NRXN3: variants seen among roughly 807,000 people sequenced by gnomAD.
NRXN3 encodes the protein neurexin III.
NRXN3 carries 32 observed loss-of-function variants against 137.6 expected under a neutral mutation model. The ratio of observed to expected loss-of-function variants is 0.23; its 90% CI spans 0.18 to 0.31. NRXN3 has a LOEUF of 0.31. Ranked by LOEUF, NRXN3 falls within the 10% of genes least tolerant of loss-of-function variation. The pLI, the probability that NRXN3 is intolerant of heterozygous loss-of-function variation, is 1.00. For synonymous variants in NRXN3, 798 were observed against 784.5 expected, an observed-to-expected ratio of 1.02 and a Z score of -0.29; for missense variants, 1,574 against 2,062.5, an observed-to-expected ratio of 0.76 and a Z score of 4.59.
At chr14:78,352,644 G>A (rs1227628339) in intron 4 of NRXN3, among the ~76,000 whole-genome samples, 1 of 152,122 alleles carries the variant, frequency 6.6e-6, no homozygotes, top group African/African-American at 2.4e-5. Flanking sequence ...CAACTCCTTG[G>A]ATTTTCTGCC....
intron 2 of NRXN3, among the ~76,000 whole-genome samples, chr14:78,245,863 C>G (rs919444207): frequency 1.3e-5 from 2 of 152,140 alleles, no homozygotes; most frequent in African/African-American, 4.8e-5. Flanking sequence ...TCCACTGAAC[C>G]CACTGGGAGA....
intron 14 of NRXN3, among the ~76,000 whole-genome samples, chr14:78,980,902 G>A (rs929687255): frequency 1.3e-5 from 2 of 152,122 alleles, no homozygotes; most frequent in African/African-American, 4.8e-5. Flanking sequence ...ATTTTCGTGA[G>A]AGTTATTCAC....
At chr14:79,275,262 G>T (rs1480051980) in intron 15 of NRXN3, among the ~76,000 whole-genome samples, 1 of 151,672 alleles carries the variant, frequency 6.6e-6, no homozygotes, top group Non-Finnish European at 1.5e-5. Flanking sequence ...TCCCTAAATT[G>T]CCTTCTGGAG....
rs1468979616 is a variant in NRXN3 at position 79,843,935 on chromosome 14, T to A, written c.4094-17407T>A. On this transcript the variant is annotated intron_variant, in intron 20 of 20. Transcript: ENST00000335750. ...ACCTTCAAGTCCCCAAAGACCATTA[T>A]ATCATTCTTGTACCTTTGTGTCCTC... Among the ~76,000 whole-genome samples, 7 of 152,130 alleles carry A rather than the reference T, an allele frequency of 4.6e-5. No homozygotes were observed. The South Asian group carries it at 6.2e-4, about 14-fold the overall frequency.
intron 15 of NRXN3, among the ~76,000 whole-genome samples, chr14:79,318,251 A>G (rs1316309939): frequency 6.6e-6 from 1 of 152,248 alleles, no homozygotes; most frequent in Non-Finnish European, 1.5e-5. Context: ...CTCAAAAGGA[A>G]AGTATCTTCT....
chr14:79,316,705 T>C (rs182612620), intron 15 of NRXN3, among the ~76,000 whole-genome samples: 92 of 150,482 alleles, frequency 6.1e-4, no homozygotes, highest in Admixed American at 1.9e-3. Context: ...CACTGGACTT[T>C]ATCATCATGT....
intron 15 of NRXN3, among the ~76,000 whole-genome samples, chr14:79,361,967 A>G (rs936271814): frequency 3.3e-5 from 5 of 149,780 alleles, no homozygotes; most frequent in African/African-American, 1.2e-4. Flanking sequence ...CCAGCAGTGT[A>G]TCTTTTACGC....
intron 15 of NRXN3, among the ~76,000 whole-genome samples, chr14:79,127,172 T>G (rs2056659434): frequency 6.6e-6 from 1 of 152,304 alleles, no homozygotes; most frequent in African/African-American, 2.4e-5. Flanking sequence ...AGAAGCTCTT[T>G]AGTTTAATTA....
chr14:78,403,787 C>A (rs771413584), intron 4 of NRXN3: 345 of 985,354 alleles, frequency 3.5e-4, no homozygotes, highest in Non-Finnish European at 3.8e-4. Context: ...TGGTCCCTCT[C>A]TTCGTTGTTT....
At position 79,663,878 on chromosome 14, in the gene NRXN3, G is replaced by A. The variant is rs2098545929; in HGVS notation, c.3545G>A (p.Arg1182His). The change falls in exon 17 of 21, where the codon CGC becomes CAC. Residue 1182 changes from arginine (R) to histidine (H), a missense_variant. Coordinates refer to ENST00000335750, the MANE Select transcript of NRXN3 (RefSeq NM_001330195.2). ...AATGACGGCAAATACCATGTGGTAC[G>A]CTTCACCAGGAACGGCGGCAACGCC... ...PVNDGKYHVVRFTRNGGNATL... is the reference protein window; with the variant it reads ...PVNDGKYHVVHFTRNGGNATL... The A allele has an allele frequency of 6.2e-7, 1 of 1,613,572 alleles. No individual in the cohort carries two copies. The highest frequency in any genetic ancestry group is 8.5e-7 in the Non-Finnish European group (1 of 1,179,666).
intron 15 of NRXN3, among the ~76,000 whole-genome samples, chr14:79,036,104 A>G (rs890980753): frequency 5.3e-5 from 8 of 152,012 alleles, no homozygotes; most frequent in Non-Finnish European, 8.8e-5. Flanking sequence ...GGACAGTTGC[A>G]TTTTACTCCA....
chr14:79,659,059 G>T (rs1353352922), intron 16 of NRXN3, among the ~76,000 whole-genome samples: 1 of 152,104 alleles, frequency 6.6e-6, no homozygotes. Context: ...ACCAATAACT[G>T]CAGTGTGACT....
At chr14:78,496,655 A>G (rs1040344808) in intron 4 of NRXN3, among the ~76,000 whole-genome samples, 2 of 152,088 alleles carry the variant, frequency 1.3e-5, no homozygotes, top group African/African-American at 4.8e-5. Flanking sequence ...AATTCCTTTT[A>G]TAGTATGTTA....
intron 10 of NRXN3, among the ~76,000 whole-genome samples, chr14:78,929,969 G>T (rs1475997773): frequency 2.0e-5 from 3 of 152,108 alleles, no homozygotes; most frequent in Non-Finnish European, 4.4e-5. Flanking sequence ...CTAGACCATT[G>T]CAAGTTTTCA....
At chr14:79,818,218 T>C (rs2099258637) in intron 20 of NRXN3, among the ~76,000 whole-genome samples, 1 of 152,062 alleles carries the variant, frequency 6.6e-6, no homozygotes, top group Non-Finnish European at 1.5e-5. Context: ...CACGCCTGGC[T>C]AATTTTTTGT....
At chr14:79,427,531 G>C (rs536633890) in intron 15 of NRXN3, among the ~76,000 whole-genome samples, 3 of 152,136 alleles carry the variant, frequency 2.0e-5, no homozygotes, top group Non-Finnish European at 4.4e-5. Context: ...AAAAATTAAA[G>C]TCTGGACGCA....
chr14:78,602,681 G>A (rs1309527659), intron 4 of NRXN3, among the ~76,000 whole-genome samples: 1 of 152,170 alleles, frequency 6.6e-6, no homozygotes, highest in Non-Finnish European at 1.5e-5. Flanking sequence ...CCAGCTAGAA[G>A]CAAATTCCTA....
At chr14:79,568,031 G>C (rs951400782) in intron 16 of NRXN3, among the ~76,000 whole-genome samples, 14 of 152,116 alleles carry the variant, frequency 9.2e-5, no homozygotes, top group Admixed American at 9.2e-4. Flanking sequence ...TTGGGTGCTA[G>C]AGCATGCTTT....
At chr14:79,751,480 A>G (rs1245851489) in intron 19 of NRXN3, among the ~76,000 whole-genome samples, 10 of 150,318 alleles carry the variant, frequency 6.7e-5, no homozygotes, top group East Asian at 2.0e-4. Context: ...GGCTGAGACA[A>G]TGGGGTTTTC....
Sources: gnomAD v4.1 joint callset for allele counts (sites outside exome capture counted in the v4.1 genomes callset) on GRCh38, gnomAD v4.1.1 for gene constraint, MANE v1.5 for transcripts, NCBI Gene and HGNC (gene_info 2026-07-23, HGNC 2026-07-21) for gene names.